CCDC66: variants seen among roughly 807,000 people sequenced by gnomAD.
CCDC66 encodes the protein coiled-coil domain containing 66.
CCDC66 carries 133 observed loss-of-function variants against 128.3 expected under a neutral mutation model. The ratio of observed to expected loss-of-function variants is 1.04; its 90% CI spans 0.90 to 1.20. The LOEUF is 1.20. CCDC66 is among the 50% of genes most tolerant of loss of function. The probability of loss-of-function intolerance (pLI) is 0.00; values close to 1 mark genes in which losing one functional copy is unlikely to be tolerated. For synonymous variants in CCDC66, 387 were observed against 357.0 expected (o/e 1.08, Z -0.95); for missense variants, 1,126 against 1,075.5 (o/e 1.05, Z -0.66).
At chr3:56,597,734 G>C (rs554856622) in intron 10 of CCDC66, among the ~76,000 whole-genome samples, 1 of 138,348 alleles carries the variant, frequency 7.2e-6, no homozygotes, top group Non-Finnish European at 1.6e-5. Context: ...TGAATTTATT[G>C]ATCAGATGTG....
chr3:56,585,686 T>A (rs1158642031), intron 7 of CCDC66, among the ~76,000 whole-genome samples: 1 of 151,864 alleles, frequency 6.6e-6, no homozygotes, highest in African/African-American at 2.4e-5. Context: ...CTTCTCTGTA[T>A]ATAGTATAGC....
intron 10 of CCDC66, among the ~76,000 whole-genome samples, chr3:56,611,442 A>G (rs1419842232): frequency 8.3e-6 from 1 of 120,448 alleles, no homozygotes; most frequent in African/African-American, 3.0e-5. Flanking sequence ...CGCCTGCAAC[A>G]TCCCCCGAGT....
Position 56,566,707 on chromosome 3 carries a change from G to T in CCDC66, c.658G>T (p.Val220Phe). 6.2e-7 allele frequency: 1 copy of T among 1,613,856 alleles called. No homozygotes were observed. The highest frequency in any genetic ancestry group is 8.5e-7 in the Non-Finnish European group (1 of 1,179,872). Residue 220 changes from valine to phenylalanine, a missense_variant, in exon 5 of 18, where the codon GTC (valine) becomes TTC (phenylalanine). By Grantham distance (50) the Val-to-Phe change is conservative. Transcript: ENST00000394672. Reference protein sequence around the residue: ...VSSVPAENKSVLNEHQETSKQ... With the variant: ...VSSVPAENKSFLNEHQETSKQ... The stretch of plus-strand genomic sequence containing the variant: ...ATCTGTCCCAGCTGAAAATAAATCT[G>T]TCTTAAATGAACATCAGGAGACATC...
intron 16 of CCDC66, 32 bp from the exon 17 acceptor site, chr3:56,619,745 T>C (rs1559789691): frequency 7.4e-6 from 12 of 1,610,928 alleles, no homozygotes; most frequent in Non-Finnish European, 9.3e-6. Flanking sequence ...ACTAATGTAA[T>C]TGACTGACTT....
intron 3 of CCDC66, among the ~76,000 whole-genome samples, chr3:56,562,915 G>A (rs1298216512): frequency 6.6e-6 from 1 of 151,584 alleles, no homozygotes; most frequent in Non-Finnish European, 1.5e-5. Context: ...CCAAAGTGCT[G>A]GGATTACAGG....
At chr3:56,582,643 T>C (rs2068600621) in intron 7 of CCDC66, among the ~76,000 whole-genome samples, 2 of 151,718 alleles carry the variant, frequency 1.3e-5, no homozygotes, top group Admixed American at 6.7e-5. Context: ...GCAACTTTGC[T>C]GAATTTATTC....
chr3:56,576,835 G>T (rs1041792840), intron 7 of CCDC66, among the ~76,000 whole-genome samples: 5 of 151,838 alleles, frequency 3.3e-5, no homozygotes, highest in Middle Eastern at 3.4e-3. Flanking sequence ...GGACATTTGG[G>T]TTGGTTCCAA....
chr3:56,557,273 G>A lies in CCDC66; in HGVS notation c.11+20G>A. 1 of 1,550,634 alleles carries A rather than the reference G, an allele frequency of 6.4e-7. No individual in the cohort carries two copies. Among genetic ancestry groups the A allele is most frequent in the Non-Finnish European group, 8.7e-7 (1 of 1,146,586 alleles). On this transcript the variant is annotated intron_variant, in intron 1 of 17. Transcript: ENST00000394672. ...CTTGGGGTAAGCAGGGGTAAGCTGG[G>A]GTAAGCTGGGGTAAGCAAGGTGGTC...
chr3:56,578,654 C>G (rs1210824042), intron 7 of CCDC66, among the ~76,000 whole-genome samples: 2 of 151,766 alleles, frequency 1.3e-5, no homozygotes, highest in Non-Finnish European at 1.5e-5. Flanking sequence ...TTTTGTGCAA[C>G]TATTGAGATA....
At chr3:56,605,723 G>T (rs9846282) in intron 10 of CCDC66, among the ~76,000 whole-genome samples, 52,747 of 151,776 alleles carry the variant, frequency 0.35, 9,946 homozygotes, top group East Asian at 0.48. Context: ...ACTAGGAAGT[G>T]TCTCCTAGTC....
At chr3:56,566,519 C>G in intron 4 of CCDC66, 75 bp from the exon 5 acceptor site, 2 of 903,096 alleles carry the variant, frequency 2.2e-6, no homozygotes, top group Non-Finnish European at 3.4e-6. Context: ...CATGTAAGAA[C>G]TGTATAGCAC....
At chr3:56,580,907 G>A (rs2068249895) in intron 7 of CCDC66, among the ~76,000 whole-genome samples, 1 of 151,718 alleles carries the variant, frequency 6.6e-6, no homozygotes, top group Non-Finnish European at 1.5e-5. Context: ...TCTTCTTGAG[G>A]AGTATCTTTG....
intron 17 of CCDC66, chr3:56,621,002 G>GTTAGT (rs1374524317): frequency 3.3e-5 from 5 of 150,850 alleles, no homozygotes; most frequent in African/African-American, 4.9e-5. Flanking sequence ...AATACAAAAA[G>GTTAGT]TTAGTTAGTT....
chr3:56,558,618 G>C, intron 1 of CCDC66: 1 of 496,494 alleles, frequency 2.0e-6, no homozygotes. Context: ...TCAGGTTAAT[G>C]ATAACAATGC....
chr3:56,587,521 C>T (rs1392794939), intron 7 of CCDC66, among the ~76,000 whole-genome samples: 1 of 152,126 alleles, frequency 6.6e-6, no homozygotes, highest in Non-Finnish European at 1.5e-5. Flanking sequence ...GGGAGGGCTA[C>T]ACACTTTTAA....
At chr3:56,609,405 A>G (rs1483361735) in intron 10 of CCDC66, among the ~76,000 whole-genome samples, 1 of 152,222 alleles carries the variant, frequency 6.6e-6, no homozygotes, top group Non-Finnish European at 1.5e-5. Flanking sequence ...TGATATAAGA[A>G]TAGCTATCCT....
chr3:56,594,415 G>A (rs896474425), intron 10 of CCDC66, among the ~76,000 whole-genome samples: 2 of 151,870 alleles, frequency 1.3e-5, no homozygotes, highest in African/African-American at 2.4e-5. Context: ...GGCCGGGCAC[G>A]GTGGCTCACG....
At chr3:56,579,294 CTCTTT>C (rs1442479947) in intron 7 of CCDC66, among the ~76,000 whole-genome samples, 2 of 151,716 alleles carry the variant, frequency 1.3e-5, no homozygotes, top group Non-Finnish European at 2.9e-5. Flanking sequence ...TGATTCTTCT[CTCTTT>C]TCTTCTTTAT....
intron 6 of CCDC66, chr3:56,569,887 T>G (rs1246774727): frequency 6.6e-6 from 1 of 152,220 alleles, no homozygotes; most frequent in African/African-American, 2.4e-5. Flanking sequence ...CAAGCTGGAG[T>G]GCAATGGCAC....
Sources: allele counts gnomAD v4.1 joint callset (sites outside exome capture counted in the v4.1 genomes callset), GRCh38; gene constraint gnomAD v4.1.1; transcripts MANE v1.5; gene names NCBI Gene and HGNC (gene_info 2026-07-23, HGNC 2026-07-21).